ADARB2: variants seen among roughly 807,000 people sequenced by gnomAD.
ADARB2 encodes the protein inactive double-stranded RNA-specific editase B2.
Under a neutral mutation model 62.2 loss-of-function variants are expected in ADARB2, and 25 were observed. That is an observed-to-expected ratio of 0.40 (90% CI 0.29 to 0.56). The LOEUF is 0.56. Ranked by LOEUF, ADARB2 falls within the 20% of genes least tolerant of loss-of-function variation. The probability of loss-of-function intolerance (pLI) is 0.43; values close to 1 mark genes in which losing one functional copy is unlikely to be tolerated. For synonymous variants in ADARB2, 572 were observed against 500.8 expected (o/e 1.14, Z -1.90); for missense variants, 1,071 against 1,077.4 (o/e 0.99, Z 0.08).
intron 7 of ADARB2, among the ~76,000 whole-genome samples, chr10:1,200,675 G>A (rs2131742464): frequency 6.6e-6 from 1 of 152,252 alleles, no homozygotes. Context: ...GAACAACAAG[G>A]CCATTTTGTT....
intron 1 of ADARB2, among the ~76,000 whole-genome samples, chr10:1,494,909 T>C (rs1831668421): frequency 6.6e-6 from 1 of 152,184 alleles, no homozygotes; most frequent in South Asian, 2.1e-4. Flanking sequence ...CAGTCTCTCC[T>C]ACTTTGAAAA....
At position 1,477,841 on chromosome 10, in the gene ADARB2, C is replaced by T. The variant is rs148065666; in HGVS notation, c.101-98681G>A. Among the ~76,000 whole-genome samples the T allele has an allele frequency of 1.9e-3, 282 of 152,350 alleles. 2 individuals carry two copies. Among genetic ancestry groups the T allele is most frequent in the African/African-American group, 2.8e-3 (115 of 41,582 alleles). On this transcript the variant is annotated intron_variant, in intron 1 of 9. Coordinates refer to ENST00000381312, the MANE Select transcript of ADARB2 (RefSeq NM_018702.4). This position sits in a 1 kb window ranked among gnomAD's most constrained non-coding sequence, Gnocchi z 4.5. ...ACACATGTCTTTAACAATCCTGTGGCGGGCAGGTGCCTCCCCAGAACGCTT... is the reference window on the plus strand; with the variant it reads ...ACACATGTCTTTAACAATCCTGTGGTGGGCAGGTGCCTCCCCAGAACGCTT...
At chr10:1,599,830 C>A (rs1426858386) in intron 1 of ADARB2, among the ~76,000 whole-genome samples, 1 of 152,160 alleles carries the variant, frequency 6.6e-6, no homozygotes, top group Non-Finnish European at 1.5e-5. Flanking sequence ...ACTGGAACCT[C>A]TGCCTCCCTA....
At chr10:1,733,402 GCTT>G (rs1408958313) in intron 1 of ADARB2, among the ~76,000 whole-genome samples, 1 of 117,372 alleles carries the variant, frequency 8.5e-6, no homozygotes, top group Non-Finnish European at 2.0e-5. Flanking sequence ...CCAATGCATA[GCTT>G]CTTTTAGAAA....
intron 1 of ADARB2, among the ~76,000 whole-genome samples, chr10:1,683,500 G>A (rs1247061668): frequency 2.0e-5 from 3 of 152,210 alleles, no homozygotes; most frequent in Non-Finnish European, 4.4e-5. Context: ...ACTCCTTGAA[G>A]GCTGCAATGC....
intron 3 of ADARB2, among the ~76,000 whole-genome samples, chr10:1,306,606 A>G (rs1386063676): frequency 6.9e-6 from 1 of 145,704 alleles, no homozygotes; most frequent in East Asian, 2.2e-4. Context: ...CGCTAAGTCA[A>G]TCCTAAGCCA....
At chr10:1,457,665 G>T (rs1831111642) in intron 1 of ADARB2, among the ~76,000 whole-genome samples, 2 of 152,110 alleles carry the variant, frequency 1.3e-5, no homozygotes, top group South Asian at 4.1e-4. Flanking sequence ...TTCCCACAGT[G>T]ACAGAAGGCC....
chr10:1,693,939 G>A (rs1306570620), intron 1 of ADARB2, among the ~76,000 whole-genome samples: 2 of 152,212 alleles, frequency 1.3e-5, no homozygotes, highest in African/African-American at 4.8e-5. Context: ...TTCCCAAAGT[G>A]TGTACCACGG....
chr10:1,202,011 G>A (rs969355369), intron 7 of ADARB2, among the ~76,000 whole-genome samples: 5 of 152,140 alleles, frequency 3.3e-5, no homozygotes. Context: ...GATGTTCACC[G>A]ATAAGTCAGA....
chr10:1,494,951 G>T (rs1479507498), intron 1 of ADARB2, among the ~76,000 whole-genome samples: 1 of 152,064 alleles, frequency 6.6e-6, no homozygotes, highest in Non-Finnish European at 1.5e-5. Flanking sequence ...AAACATAAAA[G>T]ATTTAAAGAT....
intron 1 of ADARB2, among the ~76,000 whole-genome samples, chr10:1,670,397 A>G (rs983119121): frequency 1.3e-5 from 2 of 152,224 alleles, no homozygotes; most frequent in East Asian, 3.9e-4. Context: ...AGGGCACATT[A>G]TTTCAAAACA....
chr10:1,603,344 G>A (rs892473753), intron 1 of ADARB2, among the ~76,000 whole-genome samples: 6 of 152,190 alleles, frequency 3.9e-5, no homozygotes, highest in Admixed American at 6.5e-5. Flanking sequence ...AAGCAGCACC[G>A]GCTTGGAGCC....
rs1382295883 is a variant in ADARB2 at position 1,327,839 on chromosome 10, G to GTTCAGTGTCTCACCAGTA, written c.1077+35188_1077+35189insTACTGGTGAGACACTGAA. ...TCTCCTCACAGCTCAGCACCTCACA[G>GTTCAGTGTCTCACCAGTA]CTCAGTGCCTCCTCACAGCTCAGCG... On this transcript the variant is annotated intron_variant, in intron 3 of 9. Coordinates refer to ENST00000381312, the MANE Select transcript of ADARB2 (RefSeq NM_018702.4). 8.3e-5 allele frequency among the ~76,000 whole-genome samples: 4 copies of GTTCAGTGTCTCACCAGTA among 48,378 alleles called. 1 individual carries two copies. Among genetic ancestry groups the GTTCAGTGTCTCACCAGTA allele is most frequent in the Admixed American group, 1.7e-4 (1 of 5,858 alleles). 31.7% of individuals were successfully genotyped at this position (48,378 alleles called of 152,430 possible). A position where few individuals can be genotyped will look rare whatever the true frequency, so the allele number is the denominator to read the frequency against.
intron 1 of ADARB2, among the ~76,000 whole-genome samples, chr10:1,385,486 C>T (rs902060885): frequency 5.3e-5 from 8 of 152,046 alleles, no homozygotes; most frequent in Non-Finnish European, 7.4e-5. Context: ...AAAAACATAA[C>T]ATTTGAAATG....
chr10:1,649,547 C>T (rs1834085198), intron 1 of ADARB2, among the ~76,000 whole-genome samples: 1 of 152,238 alleles, frequency 6.6e-6, no homozygotes, highest in Non-Finnish European at 1.5e-5. Flanking sequence ...CTTCTTTACA[C>T]AAGGTATGGG....
chr10:1,361,261 C>T (rs536978186), intron 3 of ADARB2: 2 of 148,562 alleles, frequency 1.3e-5, no homozygotes, highest in East Asian at 4.2e-4. Context: ...GTTTAAGCTA[C>T]AGAGAGTGTA....
chr10:1,684,009 T>C (rs1834571627), intron 1 of ADARB2, among the ~76,000 whole-genome samples: 1 of 152,214 alleles, frequency 6.6e-6, no homozygotes, highest in African/African-American at 2.4e-5. Context: ...CTAGTGTGGA[T>C]GCCTGTGCGC....
intron 4 of ADARB2, among the ~76,000 whole-genome samples, chr10:1,246,897 G>A (rs1210905324): frequency 6.6e-6 from 1 of 151,818 alleles, no homozygotes; most frequent in Non-Finnish European, 1.5e-5. Context: ...GATGGGGATG[G>A]CATTGAATCT....
In ADARB2 at chr10:1,217,003, C is replaced by G; in HGVS notation, c.1630G>C (p.Val544Leu). 1 of 1,610,658 alleles carries G rather than the reference C, an allele frequency of 6.2e-7. No homozygotes were observed. ...GTGATCAGCTGCTCCCCCAGCAGGACGCCGTCCCAGGTCTGCACTGCGCTG... is the reference window on the plus strand; with the variant it reads ...GTGATCAGCTGCTCCCCCAGCAGGAGGCCGTCCCAGGTCTGCACTGCGCTG... The part of the protein sequence containing the change: ...GPSAVQTWDG[V>L]LLGEQLITMS... Residue 544 changes from valine to leucine, a missense_variant, in exon 7 of 10, where the codon GTC becomes CTC. By Grantham distance (32) the Val-to-Leu change is conservative (BLOSUM62 1). Transcript: ENST00000381312.
Sources: allele counts gnomAD v4.1 joint callset (sites outside exome capture counted in the v4.1 genomes callset), GRCh38; gene constraint gnomAD v4.1.1; non-coding constraint Gnocchi (gnomAD v3.1); transcripts MANE v1.5; gene names NCBI Gene and HGNC (gene_info 2026-07-23, HGNC 2026-07-21).